The following SLC28A1 variants were observed in gnomAD, a reference collection of about 807,000 sequenced individuals.
The protein encoded by SLC28A1 is sodium/nucleoside cotransporter 1.
A neutral mutation model predicts 74.8 loss-of-function variants in SLC28A1; 64 were observed. The observed-to-expected ratio is 0.86, with a 90% CI of 0.70 to 1.05. The LOEUF is 1.05. Among genes scored for constraint, SLC28A1 ranks in the 50% least tolerant of loss-of-function variants. The probability of loss-of-function intolerance (pLI) is 0.00; values close to 1 mark genes in which losing one functional copy is unlikely to be tolerated. For missense variants in SLC28A1, 828 were observed against 822.8 expected (o/e 1.01, Z -0.08); for synonymous variants, 359 against 335.0 (o/e 1.07, Z -0.78).
At chr15:84,967,330 C>G in the SLC28A1 span, among the ~76,000 whole-genome samples, 3 of 152,160 alleles carry the variant, frequency 2.0e-5, no homozygotes, top group African/African-American at 7.2e-5. Context: ...AAACTTTCTA[C>G]CCCCCACCTC....
chr15:84,920,869 A>G lies in SLC28A1; in HGVS notation c.877-120A>G, dbSNP rs1221668646. ...TGGACCTTTTGGGAAAATGTAGATG[A>G]AGGGGTCCTACACTGGGCTGGGAGT... On this transcript the variant is annotated intron_variant, in intron 10 of 18. Coordinates refer to ENST00000394573, the MANE Select transcript of SLC28A1 (RefSeq NM_004213.5). 9 of 795,160 alleles carry G rather than the reference A, an allele frequency of 1.1e-5. No individual in the cohort carries two copies. The East Asian group carries it at 1.2e-4, about 11-fold the overall frequency. 49.3% of individuals were successfully genotyped at this position (795,160 alleles called of 1,614,324 possible). A position where few individuals can be genotyped will look rare whatever the true frequency, so the allele number is the denominator to read the frequency against.
At position 84,944,949 on chromosome 15, in the gene SLC28A1, A is replaced by G; in HGVS notation, c.1874+82A>G. The G allele has an allele frequency of 2.6e-6, 3 of 1,164,978 alleles. No individual in the cohort carries two copies. In the South Asian group the frequency reaches 3.7e-5, roughly 14 times the overall value. 72.2% of individuals were successfully genotyped at this position (1,164,978 alleles called of 1,614,324 possible). A position where few individuals can be genotyped will look rare whatever the true frequency, so the allele number is the denominator to read the frequency against. The stretch of plus-strand genomic sequence containing the variant: ...GAGCGCTGGGGGGGATGCCTTTGGT[A>G]CCAGGGTGAGGGTAGAAATGTTACG... On this transcript the variant is annotated intron_variant, in intron 18 of 18. Transcript: ENST00000394573.
chr15:84,909,155 A>G (rs1224434806), intron 9 of SLC28A1, among the ~76,000 whole-genome samples: 1 of 152,162 alleles, frequency 6.6e-6, no homozygotes, highest in African/African-American at 2.4e-5. Context: ...GATGTGCTGC[A>G]GAGACTCTGG....
At chr15:84,936,760 G>A (rs1347266072) in intron 15 of SLC28A1, among the ~76,000 whole-genome samples, 1 of 152,132 alleles carries the variant, frequency 6.6e-6, no homozygotes, top group East Asian at 1.9e-4. Context: ...ATTCTTTTAA[G>A]AGAGAGTTTA....
intron 5 of SLC28A1, among the ~76,000 whole-genome samples, chr15:84,891,292 G>A (rs1378658608): frequency 6.6e-6 from 1 of 152,186 alleles, no homozygotes. Context: ...GGGAAGCAAT[G>A]CTAGCTGTAC....
intron 12 of SLC28A1, among the ~76,000 whole-genome samples, chr15:84,932,526 G>A (rs934541316): frequency 2.6e-5 from 4 of 152,206 alleles, no homozygotes; most frequent in African/African-American, 4.8e-5. Context: ...CAAACTGCAG[G>A]ACTGGATGTG....
chr15:84,945,140 C>A lies in SLC28A1; in HGVS notation c.1890C>A (p.Phe630Leu). Residue 630 changes from phenylalanine to leucine, a missense_variant, in exon 19 of 19, where the codon TTC becomes TTA. By Grantham distance (22) the Phe-to-Leu change is conservative (BLOSUM62 0). Transcript: ENST00000394573. The stretch of plus-strand genomic sequence containing the variant: ...TTCTTTTTAGCGTCAATCCAGAGTT[C>A]AGCCCAGAGGCCCTGGACAACTGCT... ...REAFQSVNPE[F>L]SPEALDNCCR... 6.2e-7 allele frequency: 1 copy of A among 1,614,034 alleles called. No homozygotes were observed. Among genetic ancestry groups the A allele is most frequent in the South Asian group, 1.1e-5 (1 of 91,072 alleles).
At chr15:84,939,235 G>A (rs1032930376) in intron 15 of SLC28A1, among the ~76,000 whole-genome samples, 1 of 152,194 alleles carries the variant, frequency 6.6e-6, no homozygotes, top group Non-Finnish European at 1.5e-5. Context: ...CAGGAGGATC[G>A]CTTGGACCCA....
At chr15:84,903,883 A>G (rs1966850038) in intron 6 of SLC28A1, among the ~76,000 whole-genome samples, 1 of 152,088 alleles carries the variant, frequency 6.6e-6, no homozygotes, top group Non-Finnish European at 1.5e-5. Context: ...AGGAAACTAG[A>G]CTCAGAGAGG....
chr15:84,926,463 A>C (rs1970526575), intron 12 of SLC28A1: 3 of 425,382 alleles, frequency 7.1e-6, no homozygotes, highest in South Asian at 5.0e-5. Flanking sequence ...TTGGCCTCCC[A>C]AAATATTAGG....
chr15:84,950,318 C>T (rs533204222), downstream of SLC28A1, among the ~76,000 whole-genome samples: 7 of 150,318 alleles, frequency 4.7e-5, no homozygotes, highest in South Asian at 1.1e-3. Context: ...ACACTTGACC[C>T]GTGTAGAAAG....
intron 15 of SLC28A1, among the ~76,000 whole-genome samples, chr15:84,940,276 A>AC (rs1468454212): frequency 6.6e-6 from 1 of 152,126 alleles, no homozygotes; most frequent in East Asian, 1.9e-4. Context: ...CCAATTTATA[A>AC]CCCCCATACT....
the SLC28A1 span, among the ~76,000 whole-genome samples, chr15:84,952,846 G>A: frequency 6.6e-6 from 1 of 152,096 alleles, no homozygotes; most frequent in Non-Finnish European, 1.5e-5. Context: ...AGAACAGAGT[G>A]AGACCCCGTC....
intron 9 of SLC28A1, among the ~76,000 whole-genome samples, chr15:84,916,014 G>A (rs1216457956): frequency 2.0e-5 from 3 of 151,868 alleles, no homozygotes; most frequent in East Asian, 1.9e-4. Flanking sequence ...CCAGGCTGGA[G>A]TGCAGTCGGA....
rs1318787347 is a variant in SLC28A1 at position 84,924,034 on chromosome 15, C to G, written c.1007C>G (p.Ser336Cys). The change falls in exon 12 of 19, where the codon TCT becomes TGT. Residue 336 changes from serine (S) to cysteine (C), a missense_variant. This residue lies in a region of SLC28A1 where 767 missense variants were observed against 753.5 expected (regional missense o/e 1.02). Coordinates refer to ENST00000394573, the MANE Select transcript of SLC28A1 (RefSeq NM_004213.5). ...CCCTACTTGGCAGACATGACACTCT[C>G]TGAAGTCCACGTTGTCATGACCGGA... is the stretch of plus-strand genomic sequence containing the variant. ...IRPYLADMTL[S>C]EVHVVMTGGY... The G allele has an allele frequency of 2.5e-6, 4 of 1,614,082 alleles. No homozygotes were observed. The highest frequency in any genetic ancestry group is 3.4e-6 in the Non-Finnish European group (4 of 1,180,024).
At chr15:84,940,355 GTA>G (rs1972510768) in intron 15 of SLC28A1, 2 of 152,738 alleles carry the variant, frequency 1.3e-5, no homozygotes, top group Admixed American at 6.5e-5. Context: ...ACATTGGGTA[GTA>G]TGTAACTATG....
chr15:84,911,835 G>A (rs1457424279), intron 9 of SLC28A1, among the ~76,000 whole-genome samples: 1 of 137,710 alleles, frequency 7.3e-6, no homozygotes, highest in Non-Finnish European at 1.5e-5. Flanking sequence ...CTCCAGGCCA[G>A]GCAACAGAGT....
chr15:84,974,729 C>T, the SLC28A1 span, among the ~76,000 whole-genome samples: 1 of 152,160 alleles, frequency 6.6e-6, no homozygotes, highest in African/African-American at 2.4e-5. Flanking sequence ...TTCCATAAGA[C>T]ACAGGGCACA....
the SLC28A1 span, among the ~76,000 whole-genome samples, chr15:84,954,474 G>T: frequency 1.2e-3 from 179 of 152,222 alleles, no homozygotes; most frequent in Non-Finnish European, 2.1e-3. Context: ...AACGTTTTCT[G>T]AATGCTTATT....
Sources: gnomAD v4.1 joint callset for allele counts (sites outside exome capture counted in the v4.1 genomes callset) on GRCh38, gnomAD v4.1.1 for gene constraint, gnomAD v4.1.1 regional missense constraint, MANE v1.5 for transcripts, NCBI Gene and HGNC (gene_info 2026-07-23, HGNC 2026-07-21) for gene names.